NHERF2: variants seen among roughly 807,000 people sequenced by gnomAD.
NHERF2 encodes the protein NHERF family PDZ scaffold protein 2.
the NHERF2 span, chr16:2,037,083 G>A: frequency 3.3e-5 from 49 of 1,469,198 alleles, no homozygotes; most frequent in Admixed American, 2.6e-4. Flanking sequence ...CTGGAGATCC[G>A]TCCTCGAGGT....
chr16:2,036,855 T>C, the NHERF2 span: 5 of 1,610,894 alleles, frequency 3.1e-6, no homozygotes, highest in Non-Finnish European at 4.2e-6. Flanking sequence ...CGGCTTCGGG[T>C]CACACCCACC....
the NHERF2 span, chr16:2,035,957 C>T: frequency 7.6e-3 from 1,813 of 238,834 alleles, 6 homozygotes; most frequent in South Asian, 0.013. Flanking sequence ...CAGGGGGACG[C>T]ACAGGCAGAG....
At chr16:2,033,562 T>C in the NHERF2 span, 1 of 968,850 alleles carries the variant, frequency 1.0e-6, no homozygotes, top group South Asian at 1.7e-5. Context: ...AAGGCCTTTC[T>C]CTGCCAGGGC....
chr16:2,038,364 C>T, the NHERF2 span: 1 of 455,260 alleles, frequency 2.2e-6, no homozygotes, highest in Non-Finnish European at 4.3e-6. Context: ...CCAAAAAGAT[C>T]TCCAGCTCCA....
the NHERF2 span, chr16:2,038,221 CAG>C: frequency 0.14 from 66,141 of 463,098 alleles, no homozygotes; most frequent in South Asian, 0.24. Context: ...GAGACAGAGA[CAG>C]AGAGAGAGAG....
At chr16:2,037,273 C>T in the NHERF2 span, among the ~76,000 whole-genome samples, 297 of 152,328 alleles carry the variant, frequency 1.9e-3, 1 homozygote, top group Non-Finnish European at 3.2e-3. Flanking sequence ...CCTCAGGGAG[C>T]TGGCGGTGGC....
chr16:2,032,262 C>T, the NHERF2 span, among the ~76,000 whole-genome samples: 439 of 152,008 alleles, frequency 2.9e-3, 2 homozygotes, highest in African/African-American at 0.01. This position sits in a 1 kb window ranked among gnomAD's most constrained non-coding sequence, Gnocchi z 4.0. Flanking sequence ...TCAAGTGATC[C>T]GCCTGCCTCA....
At chr16:2,033,619 C>T in the NHERF2 span, among the ~76,000 whole-genome samples, 1 of 152,214 alleles carries the variant, frequency 6.6e-6, no homozygotes, top group Non-Finnish European at 1.5e-5. Context: ...CCCATGCCAG[C>T]CTCTTTGTCC....
At chr16:2,028,937 C>G in the NHERF2 span, among the ~76,000 whole-genome samples, 1 of 152,250 alleles carries the variant, frequency 6.6e-6, no homozygotes, top group Non-Finnish European at 1.5e-5. Flanking sequence ...CCGGCTGCAC[C>G]TGAATCCTGC....
chr16:2,036,985 C>G, the NHERF2 span: 2 of 1,551,096 alleles, frequency 1.3e-6, no homozygotes, highest in South Asian at 2.4e-5. Context: ...ACCAATGGAA[C>G]CAGCCCTGCC....
At chr16:2,031,311 AG>A in the NHERF2 span, among the ~76,000 whole-genome samples, 3 of 152,068 alleles carry the variant, frequency 2.0e-5, no homozygotes, top group Non-Finnish European at 4.4e-5. Context: ...CTGGCCTTGC[AG>A]GGGGGCTGGC....
chr16:2,038,157 G>T, the NHERF2 span: 1 of 745,994 alleles, frequency 1.3e-6, no homozygotes, highest in Non-Finnish European at 2.2e-6. Context: ...AGGTACTGGG[G>T]GCCTGTGGCA....
the NHERF2 span, among the ~76,000 whole-genome samples, chr16:2,028,031 T>C: frequency 6.6e-6 from 1 of 152,218 alleles, no homozygotes; most frequent in East Asian, 1.9e-4. Context: ...CTGTGGGTTC[T>C]GACCCCTGAG....
chr16:2,033,965 C>T, the NHERF2 span, among the ~76,000 whole-genome samples: 1 of 152,200 alleles, frequency 6.6e-6, no homozygotes, highest in Non-Finnish European at 1.5e-5. Flanking sequence ...AACTTCTTGC[C>T]TTGTAGAGTG....
At chr16:2,033,157 CT>C in the NHERF2 span, 1 of 1,421,722 alleles carries the variant, frequency 7.0e-7, no homozygotes, top group Non-Finnish European at 9.2e-7. Context: ...GGGCGCCAGG[CT>C]GGAGCCTTCG....
At chr16:2,028,439 G>GC in the NHERF2 span, among the ~76,000 whole-genome samples, 1 of 152,200 alleles carries the variant, frequency 6.6e-6, no homozygotes, top group African/African-American at 2.4e-5. Flanking sequence ...CTTTTCCAAG[G>GC]CCCTGTGGGG....
chr16:2,035,497 C>A, the NHERF2 span: 5 of 986,110 alleles, frequency 5.1e-6, no homozygotes, highest in Non-Finnish European at 6.0e-6. Flanking sequence ...CCCCTGCGCA[C>A]GCCCTCAAGC....
chr16:2,036,124 T>A, the NHERF2 span: 1 of 539,162 alleles, frequency 1.9e-6, no homozygotes, highest in East Asian at 3.1e-5. Context: ...CTTCTGGGTT[T>A]GAAAACAGGC....
the NHERF2 span, chr16:2,038,071 G>T: frequency 6.7e-7 from 1 of 1,490,910 alleles, no homozygotes; most frequent in South Asian, 1.2e-5. Context: ...CAGCCTCAGT[G>T]GACTGGAGGG....
Sources: allele counts gnomAD v4.1 joint callset (sites outside exome capture counted in the v4.1 genomes callset), GRCh38; gene constraint gnomAD v4.1.1; non-coding constraint Gnocchi (gnomAD v3.1); transcripts MANE v1.5; gene names NCBI Gene and HGNC (gene_info 2026-07-23, HGNC 2026-07-21).